PTBP2: variants seen among roughly 807,000 people sequenced by gnomAD.
The protein encoded by PTBP2 is polypyrimidine tract-binding protein 2.
In PTBP2, 13 loss-of-function variants were observed where a neutral mutation model predicts 61.4. That is an observed-to-expected ratio of 0.21 (90% CI 0.14 to 0.34). The LOEUF (loss-of-function observed/expected upper bound fraction) is 0.34. Ranked by LOEUF, PTBP2 falls within the 10% of genes least tolerant of loss-of-function variation. The probability of loss-of-function intolerance (pLI) is 1.00; values close to 1 mark genes in which losing one functional copy is unlikely to be tolerated. For missense variants in PTBP2, 405 were observed against 642.6 expected (o/e 0.63, Z 4.00); for synonymous variants, 215 against 218.5 (o/e 0.98, Z 0.14).
At chr1:96,806,370 C>A in intron 9 of PTBP2, 49 bp from the exon 10 acceptor site, 1 of 1,396,878 alleles carries the variant, frequency 7.2e-7, no homozygotes, top group Non-Finnish European at 1.0e-6. Context: ...TCTTCCTCGA[C>A]TCTTCTCTCT....
At chr1:96,737,169 T>A (rs185104993) in intron 2 of PTBP2, among the ~76,000 whole-genome samples, 150 of 152,164 alleles carry the variant, frequency 9.9e-4, no homozygotes, top group African/African-American at 3.4e-3. Context: ...TTAGTAGAGA[T>A]GGGTTTTACC....
At chr1:96,819,197 C>T (rs1175371821), downstream of PTBP2, 2 of 151,842 alleles carry the variant, frequency 1.3e-5, no homozygotes, top group East Asian at 3.9e-4. Flanking sequence ...TTAATGCTTC[C>T]TCAGTCACAT....
At chr1:96,792,009 TA>T (rs1161332743) in intron 8 of PTBP2, among the ~76,000 whole-genome samples, 1 of 151,840 alleles carries the variant, frequency 6.6e-6, no homozygotes, top group African/African-American at 2.4e-5. Flanking sequence ...AATTTCTTCA[TA>T]TTTTTTTTAG....
chr1:96,761,437 T>C (rs996988692), intron 3 of PTBP2, among the ~76,000 whole-genome samples: 1 of 151,890 alleles, frequency 6.6e-6, no homozygotes, highest in African/African-American at 2.4e-5. Flanking sequence ...TTTTGTTCCA[T>C]TTGTATTTCA....
At chr1:96,791,849 T>TTTG (rs1659870088) in intron 8 of PTBP2, among the ~76,000 whole-genome samples, 1 of 145,648 alleles carries the variant, frequency 6.9e-6, no homozygotes, top group Non-Finnish European at 1.5e-5. Context: ...TTTTTTTTTT[T>TTTG]GAGATAGAGT....
intron 13 of PTBP2, 46 bp downstream of exon 13, chr1:96,813,152 T>G (rs1398092538): frequency 6.4e-7 from 1 of 1,558,768 alleles, no homozygotes; most frequent in Non-Finnish European, 8.7e-7. Flanking sequence ...GATAAAATTT[T>G]TAAGTAGTTT....
At position 96,823,628 on chromosome 1, in the gene PTBP2, AAACAG is replaced by A. The variant is rs1662752976; in HGVS notation, c.*10225_*10229del. 4 of 152,314 alleles carry A rather than the reference AAACAG, an allele frequency of 2.6e-5. No individual in the cohort carries two copies. In the South Asian group the frequency reaches 8.3e-4, roughly 32 times the overall value. The allele number at this position is 152,314 out of a possible 1,614,324, so 9.4% of individuals were successfully genotyped here. A position where few individuals can be genotyped will look rare whatever the true frequency, so the allele number is the denominator to read the frequency against. On this transcript the variant is annotated 3_prime_UTR_variant, in exon 14 of 14. Transcript: ENST00000609116. ...ATTCTTGAGTTTGTGACCAACAAAG[AAACAG>A]ATTAATGATTGAAAATTCACCATAC...
rs767195687 is a variant in PTBP2, at chr1:96,769,810, G to C, written c.223G>C (p.Val75Leu). The C allele has an allele frequency of 6.2e-7, 1 of 1,612,264 alleles. No homozygotes were observed. Among genetic ancestry groups the C allele is most frequent in the Non-Finnish European group, 8.5e-7 (1 of 1,178,912 alleles). ...KLPGEVTETE[V>L]IALGLPFGKV... ...ACCTGGGGAAGTAACAGAAACTGAA[G>C]TTATTGCTTTAGGCTTACCTTTTGG... The change falls in exon 4 of 14, where the codon GTT (valine) becomes CTT (leucine). Residue 75 changes from valine (V) to leucine (L), a missense_variant. Around this residue, in one of 4 missense-constraint regions of PTBP2, gnomAD observed 342 missense variants for 491.2 expected, o/e 0.70. Transcript: ENST00000674951.
At chr1:96,728,388 T>G (rs1650888533) in intron 2 of PTBP2, among the ~76,000 whole-genome samples, 1 of 152,220 alleles carries the variant, frequency 6.6e-6, no homozygotes, top group Non-Finnish European at 1.5e-5. Context: ...GGGTCAGAAG[T>G]ATTTGGTTTT....
intron 8 of PTBP2, among the ~76,000 whole-genome samples, chr1:96,789,733 C>A (rs544381934): frequency 6.6e-6 from 1 of 152,018 alleles, no homozygotes; most frequent in South Asian, 2.1e-4. Flanking sequence ...TATAATGAAT[C>A]CCATACACCT....
chr1:96,723,703 G>C (rs1649967313), intron 2 of PTBP2, 109 bp downstream of exon 2: 2 of 926,882 alleles, frequency 2.2e-6, no homozygotes, highest in South Asian at 4.0e-5. Context: ...CAAAACCCAA[G>C]TGTAAAATGT....
At chr1:96,759,286 G>A (rs1655519803) in intron 3 of PTBP2, among the ~76,000 whole-genome samples, 1 of 152,164 alleles carries the variant, frequency 6.6e-6, no homozygotes, top group Non-Finnish European at 1.5e-5. Flanking sequence ...ATAAAAAGGA[G>A]CTAGGACAAT....
At chr1:96,764,200 A>C (rs181015477) in intron 3 of PTBP2, among the ~76,000 whole-genome samples, 1 of 152,350 alleles carries the variant, frequency 6.6e-6, no homozygotes, top group Admixed American at 6.5e-5. Context: ...ATAATTTTAC[A>C]GGTGAAAAAA....
chr1:96,785,000 C>A, intron 7 of PTBP2, 59 bp from the exon 8 acceptor site: 1 of 1,284,358 alleles, frequency 7.8e-7, no homozygotes, highest in Non-Finnish European at 1.1e-6. Flanking sequence ...TAAAATTATA[C>A]TTTCACTAAT....
chr1:96,791,706 G>A (rs1659816146), intron 8 of PTBP2, among the ~76,000 whole-genome samples: 1 of 151,908 alleles, frequency 6.6e-6, no homozygotes, highest in South Asian at 2.1e-4. Context: ...ATAAAGTTTG[G>A]CTCCACTATC....
intron 9 of PTBP2, among the ~76,000 whole-genome samples, chr1:96,805,747 A>T (rs1251278777): frequency 6.6e-6 from 1 of 152,210 alleles, no homozygotes; most frequent in Non-Finnish European, 1.5e-5. Flanking sequence ...TATCATTCAC[A>T]GTTCTGCATG....
chr1:96,743,075 A>G (rs1468479173), intron 2 of PTBP2, among the ~76,000 whole-genome samples: 1 of 152,008 alleles, frequency 6.6e-6, no homozygotes, highest in Non-Finnish European at 1.5e-5. Context: ...TCACGAGGTC[A>G]GGAGATCAAG....
At chr1:96,810,022 A>G (rs922859332) in intron 11 of PTBP2, among the ~76,000 whole-genome samples, 10 of 152,168 alleles carry the variant, frequency 6.6e-5, no homozygotes, top group Non-Finnish European at 1.5e-4. Context: ...AACACAAAAA[A>G]ATTTTTTTGA....
chr1:96,797,542 T>G (rs1407445696), intron 8 of PTBP2, among the ~76,000 whole-genome samples: 1 of 152,098 alleles, frequency 6.6e-6, no homozygotes, highest in Non-Finnish European at 1.5e-5. Context: ...AAATGTGCCT[T>G]CCAGACCCCT....
Sources: gnomAD v4.1 joint callset for allele counts (sites outside exome capture counted in the v4.1 genomes callset) on GRCh38, gnomAD v4.1.1 for gene constraint, gnomAD v4.1.1 regional missense constraint, MANE v1.5 for transcripts, NCBI Gene and HGNC (gene_info 2026-07-23, HGNC 2026-07-21) for gene names.